The following SLC9A8 variants were observed in gnomAD, a reference collection of about 807,000 sequenced individuals.
The protein encoded by SLC9A8 is sodium/hydrogen exchanger 8.
SLC9A8 carries 48 observed loss-of-function variants against 66.6 expected under a neutral mutation model. The ratio of observed to expected loss-of-function variants is 0.72; its 90% confidence interval spans 0.57 to 0.92. The LOEUF is 0.92. Among genes scored for constraint, SLC9A8 ranks in the 40% least tolerant of loss-of-function variants. SLC9A8 has a pLI of 0.00. For synonymous variants in SLC9A8, 274 were observed against 282.6 expected, an observed-to-expected ratio of 0.97 and a Z score of 0.31; for missense variants, 599 against 747.3, an observed-to-expected ratio of 0.80 and a Z score of 2.31.
At chr20:49,876,654 G>A (rs2089438657) in intron 11 of SLC9A8, among the ~76,000 whole-genome samples, 2 of 152,192 alleles carry the variant, frequency 1.3e-5, no homozygotes, top group African/African-American at 4.8e-5. Context: ...ATCCCGCCAA[G>A]GGAAGATGAT....
At chr20:49,827,761 C>T (rs2086971887) in intron 3 of SLC9A8, among the ~76,000 whole-genome samples, 1 of 152,012 alleles carries the variant, frequency 6.6e-6, no homozygotes, top group Non-Finnish European at 1.5e-5. Context: ...AAGTGGAGGG[C>T]TGAAAGTTTG....
At position 49,850,816 on chromosome 20, in the gene SLC9A8, G is replaced by A. The variant is rs758626838; in HGVS notation, c.541G>A (p.Val181Ile). The change falls in exon 7 of 16, where the codon GTA (valine) becomes ATA (isoleucine). Residue 181 changes from valine (V) to isoleucine (I), a missense_variant. Val to Ile is a conservative substitution (Grantham distance 29). Transcript: ENST00000361573. ...GGIYFLGQAD[V>I]ISKLNMTDSF... ...TGTGTGTTTTATTTTACAGGCTGAT[G>A]TAATCTCTAAACTCAACATGACAGA... is the stretch of plus-strand genomic sequence containing the variant. The A allele has an allele frequency of 7.4e-6, 12 of 1,611,102 alleles. No individual in the cohort carries two copies. The South Asian group carries it at 1.2e-4, about 16-fold the overall frequency.
intron 8 of SLC9A8, among the ~76,000 whole-genome samples, chr20:49,861,223 G>T (rs2088721754): frequency 6.6e-6 from 1 of 152,174 alleles, no homozygotes; most frequent in Non-Finnish European, 1.5e-5. Flanking sequence ...TCGGGAAACT[G>T]TGAGTTCTGA....
Position 49,815,112 on chromosome 20 carries a change from C to T in SLC9A8, c.131C>T (p.Pro44Leu). ...VLPTPGKPIL[P>L]VQTGEQAQQE... is the part of the protein sequence containing the mutation. ...CCGACCCCTGGCAAGCCCATCCTCC[C>T]CGTGCAGACAGGGGAGCAGGCCCAG... Residue 44 changes from proline (P) to leucine (L), a missense_variant, in exon 2 of 16, where the codon CCC becomes CTC. Pro to Leu is a moderately conservative substitution (Grantham distance 98, BLOSUM62 -3). This residue lies in a region of SLC9A8 where 132 missense variants were observed against 120.9 expected (regional missense o/e 1.09). Transcript: ENST00000361573. 6.2e-7 allele frequency: 1 copy of T among 1,609,456 alleles called. No homozygotes were observed. The highest frequency in any genetic ancestry group is 1.3e-5 in the African/African-American group (1 of 74,858).
intron 10 of SLC9A8, among the ~76,000 whole-genome samples, chr20:49,868,287 T>C (rs1296778964): frequency 6.6e-6 from 1 of 152,218 alleles, no homozygotes; most frequent in Admixed American, 6.5e-5. Context: ...GGGACCTTGC[T>C]CCACACACAG....
intron 3 of SLC9A8, among the ~76,000 whole-genome samples, chr20:49,837,633 G>T (rs929775447): frequency 6.6e-6 from 1 of 152,048 alleles, no homozygotes; most frequent in Non-Finnish European, 1.5e-5. Context: ...GCAGTGGCAT[G>T]ATCTCAGCTC....
At chr20:49,857,478 G>A (rs1394644106) in intron 8 of SLC9A8, among the ~76,000 whole-genome samples, 1 of 152,244 alleles carries the variant, frequency 6.6e-6, no homozygotes, top group Admixed American at 6.5e-5. Flanking sequence ...ATCACTTTGG[G>A]AGGCTGAGGC....
intron 2 of SLC9A8, among the ~76,000 whole-genome samples, chr20:49,816,822 G>A (rs1460819562): frequency 4.6e-5 from 7 of 151,782 alleles, no homozygotes; most frequent in Admixed American, 2.0e-4. Context: ...TCTGCCTCCC[G>A]GGTTCACGCC....
intron 11 of SLC9A8, among the ~76,000 whole-genome samples, chr20:49,877,021 C>T (rs2089450975): frequency 6.6e-6 from 1 of 151,358 alleles, no homozygotes. Context: ...GGCGCGGTGG[C>T]TTATGCTTGT....
intron 8 of SLC9A8, among the ~76,000 whole-genome samples, chr20:49,857,712 T>G (rs1267577822): frequency 6.6e-6 from 1 of 152,192 alleles, no homozygotes; most frequent in Non-Finnish European, 1.5e-5. Context: ...AGTGAGACTC[T>G]GTTTTAAAAA....
At chr20:49,866,702 AT>A (rs931132266) in intron 10 of SLC9A8, among the ~76,000 whole-genome samples, 1 of 149,760 alleles carries the variant, frequency 6.7e-6, no homozygotes, top group African/African-American at 2.5e-5. Context: ...CTTTATCAAT[AT>A]TTTTTTGTTC....
chr20:49,867,862 A>G (rs2089038466), intron 10 of SLC9A8, among the ~76,000 whole-genome samples: 1 of 152,154 alleles, frequency 6.6e-6, no homozygotes, highest in South Asian at 2.1e-4. Context: ...GTCTCTAGTG[A>G]CTCAGTTGAC....
At chr20:49,884,151 T>A (rs1417174058) in intron 14 of SLC9A8, 85 bp downstream of exon 14, 4 of 1,190,004 alleles carry the variant, frequency 3.4e-6, no homozygotes. Context: ...AATGGGGAGA[T>A]GAGCCTTGCT....
At chr20:49,825,869 G>A (rs1458180190) in intron 3 of SLC9A8, among the ~76,000 whole-genome samples, 3 of 152,152 alleles carry the variant, frequency 2.0e-5, no homozygotes, top group Non-Finnish European at 4.4e-5. Context: ...TCTTGGTGTG[G>A]TAAGCCCTTA....
rs576021138 is a variant in SLC9A8 at position 49,871,443 on chromosome 20, A to G, written c.959-3262A>G. Among the ~76,000 whole-genome samples, 3 of 152,170 alleles carry G rather than the reference A, an allele frequency of 2.0e-5. No homozygotes were observed. The East Asian group carries it at 5.8e-4, about 29-fold the overall frequency. On this transcript the variant is annotated intron_variant, in intron 10 of 15. Coordinates refer to ENST00000361573, the MANE Select transcript of SLC9A8 (RefSeq NM_015266.3). Reference sequence around the variant, plus strand: ...TTTGCTGCATTTGCTTTCTTAAACGATTTTGCCTAATTCTTAAAGGAAATT... The same window carrying G: ...TTTGCTGCATTTGCTTTCTTAAACGGTTTTGCCTAATTCTTAAAGGAAATT...
intron 3 of SLC9A8, chr20:49,831,043 G>A: frequency 1.4e-6 from 1 of 726,008 alleles, no homozygotes; most frequent in East Asian, 2.6e-5. Context: ...CACTGGACCA[G>A]TCCAACAATA....
At chr20:49,861,526 G>A (rs2088734462) in intron 8 of SLC9A8, among the ~76,000 whole-genome samples, 1 of 152,144 alleles carries the variant, frequency 6.6e-6, no homozygotes, top group South Asian at 2.1e-4. Context: ...CTGGGTGACA[G>A]AGTGAGACCC....
At position 49,886,669 on chromosome 20, in the gene SLC9A8, C is replaced by G; in HGVS notation, c.1492-83C>G. Reference sequence around the variant, plus strand: ...GAGTTAGGGTTGGGGACACTGGCGGCCTGGGTGGTGTGGGGGCTTCCAGGA... The same window carrying G: ...GAGTTAGGGTTGGGGACACTGGCGGGCTGGGTGGTGTGGGGGCTTCCAGGA... On this transcript the variant is annotated intron_variant, in intron 14 of 15. Transcript: ENST00000361573. The surrounding 1 kb of genome is among the most constrained non-coding windows in gnomAD (Gnocchi z 4.8). The G allele has an allele frequency of 6.6e-7, 1 of 1,519,134 alleles. No individual in the cohort carries two copies. The highest frequency in any genetic ancestry group is 1.9e-5 in the Admixed American group (1 of 52,524). 94.1% of individuals were successfully genotyped at this position (1,519,134 alleles called of 1,614,324 possible). A position where few individuals can be genotyped will look rare whatever the true frequency, so the allele number is the denominator to read the frequency against.
chr20:49,818,285 A>G (rs541191020), intron 2 of SLC9A8, among the ~76,000 whole-genome samples: 2 of 152,280 alleles, frequency 1.3e-5, no homozygotes, highest in African/African-American at 4.8e-5. Context: ...CCTAGACTCT[A>G]GAGTCACACC....
Sources: gnomAD v4.1 joint callset for allele counts (sites outside exome capture counted in the v4.1 genomes callset) on GRCh38, gnomAD v4.1.1 for gene constraint, gnomAD v4.1.1 regional missense constraint, Gnocchi (gnomAD v3.1) non-coding constraint, MANE v1.5 for transcripts, NCBI Gene and HGNC (gene_info 2026-07-23, HGNC 2026-07-21) for gene names.